Variants in NFXL1 observed in about 807,000 individuals in gnomAD.
NFXL1 encodes the protein nuclear transcription factor, X-box binding like 1.
A neutral mutation model predicts 123.3 loss-of-function variants in NFXL1; 66 were observed. The observed-to-expected ratio is 0.54, with a 90% CI of 0.44 to 0.66. NFXL1 has a LOEUF of 0.66. Among genes scored for constraint, NFXL1 ranks in the 30% least tolerant of loss-of-function variants. NFXL1 has a pLI of 0.00. For synonymous variants in NFXL1, 346 were observed against 360.8 expected, an observed-to-expected ratio of 0.96 and a Z score of 0.46; for missense variants, 944 against 1,125.6, an observed-to-expected ratio of 0.84 and a Z score of 2.31.
At chr4:47,886,321 T>A (rs1041613353) in intron 12 of NFXL1, among the ~76,000 whole-genome samples, 2 of 152,214 alleles carry the variant, frequency 1.3e-5, no homozygotes, top group Non-Finnish European at 2.9e-5. Flanking sequence ...CCTGGCTATG[T>A]TCAGTTTGTA....
At chr4:47,892,763 T>A (rs1736852687) in intron 11 of NFXL1, among the ~76,000 whole-genome samples, 1 of 151,828 alleles carries the variant, frequency 6.6e-6, no homozygotes, top group African/African-American at 2.4e-5. Context: ...TTTAAAGAAA[T>A]ACAAATAAAC....
intron 12 of NFXL1, among the ~76,000 whole-genome samples, chr4:47,887,362 G>A (rs955230836): frequency 6.6e-6 from 1 of 152,152 alleles, no homozygotes; most frequent in African/African-American, 2.4e-5. Context: ...TGGCTTAAGT[G>A]CCTCTAGAAG....
intron 10 of NFXL1, 58 bp from the exon 11 acceptor site, chr4:47,894,360 A>T: frequency 7.8e-7 from 1 of 1,288,098 alleles, no homozygotes; most frequent in South Asian, 1.6e-5. Flanking sequence ...TTTTCCTCAC[A>T]TTGCAACTTC....
chr4:47,894,177 A>C lies in NFXL1; in HGVS notation c.1452+3T>G, dbSNP rs368101166. The stretch of plus-strand genomic sequence containing the variant: ...CAGAGGTTTCCAAGGTTAATACACA[A>C]ACCTTTCTTCTACATTGATGCTTCT... On this transcript the variant is annotated splice_donor_region_variant and intron_variant, in intron 11 of 22. Transcript: ENST00000507489. The C allele has an allele frequency of 1.2e-4, 190 of 1,593,748 alleles. No individual in the cohort carries two copies. In the African/African-American group the frequency reaches 2.2e-3, roughly 19 times the overall value.
At chr4:47,904,413 C>T (rs1399421137) in intron 4 of NFXL1, among the ~76,000 whole-genome samples, 1 of 152,184 alleles carries the variant, frequency 6.6e-6, no homozygotes, top group Non-Finnish European at 1.5e-5. Context: ...CGCACACACA[C>T]AGCAAATGTT....
chr4:47,848,612 G>A (rs887819671), intron 22 of NFXL1, among the ~76,000 whole-genome samples: 8 of 152,126 alleles, frequency 5.3e-5, no homozygotes, highest in Non-Finnish European at 8.8e-5. Flanking sequence ...TGATTAGGCC[G>A]GGCACGGTGG....
At chr4:47,892,083 G>C (rs1347465605) in intron 11 of NFXL1, among the ~76,000 whole-genome samples, 2 of 152,166 alleles carry the variant, frequency 1.3e-5, no homozygotes, top group Non-Finnish European at 2.9e-5. Context: ...TCTGTTTTGA[G>C]TTATGATGGA....
intron 15 of NFXL1, among the ~76,000 whole-genome samples, chr4:47,879,653 A>C (rs532584573): frequency 1.4e-4 from 22 of 152,312 alleles, no homozygotes; most frequent in African/African-American, 4.8e-4. Context: ...AAAGACTGAC[A>C]CCACCCAACT....
rs1734142494 is a variant in NFXL1 at position 47,851,953 on chromosome 4, C to G, written c.2422-11G>C. 6.3e-7 allele frequency: 1 copy of G among 1,589,404 alleles called. No homozygotes were observed. Among genetic ancestry groups the G allele is most frequent in the Non-Finnish European group, 8.6e-7 (1 of 1,160,170 alleles). ...GTTGCACTGCAATTCCTACAAACAA[C>G]CCGATTTTCAAATTTTAAATGATTT... On this transcript the variant is annotated splice_polypyrimidine_tract_variant and intron_variant, in intron 20 of 22. Transcript: ENST00000507489.
intron 3 of NFXL1, among the ~76,000 whole-genome samples, chr4:47,906,287 CA>C (rs896244070): frequency 1.4e-4 from 22 of 152,112 alleles, no homozygotes; most frequent in Middle Eastern, 3.4e-3. Context: ...ACTGAGTCTT[CA>C]AAAAAAGTAG....
chr4:47,912,460 TC>T (rs1400374187), intron 2 of NFXL1, among the ~76,000 whole-genome samples: 9 of 100,614 alleles, frequency 8.9e-5, no homozygotes, highest in Non-Finnish European at 1.5e-4. Flanking sequence ...TTCTTTTCTT[TC>T]TTTTTTTTTT....
chr4:47,876,998 G>C (rs866492440), intron 17 of NFXL1: 2 of 1,131,594 alleles, frequency 1.8e-6, no homozygotes, highest in Middle Eastern at 4.7e-4. Context: ...TATGCAAAAA[G>C]AACCAAAGTT....
At chr4:47,896,499 TA>T in intron 10 of NFXL1, 23 bp downstream of exon 10, 2 of 1,596,360 alleles carry the variant, frequency 1.3e-6, no homozygotes, top group South Asian at 2.2e-5. Context: ...CTCTTAAAAG[TA>T]ATTATTACAG....
intron 17 of NFXL1, among the ~76,000 whole-genome samples, chr4:47,876,078 T>A (rs529481293): frequency 6.6e-6 from 1 of 152,260 alleles, no homozygotes; most frequent in South Asian, 2.1e-4. Context: ...GAAGCCATGA[T>A]TACAACAGTT....
intron 19 of NFXL1, among the ~76,000 whole-genome samples, chr4:47,858,364 A>T (rs1340421783): frequency 6.6e-6 from 1 of 152,224 alleles, no homozygotes; most frequent in Non-Finnish European, 1.5e-5. Context: ...TTAAAGTTGA[A>T]ATTAAACATT....
intron 20 of NFXL1, among the ~76,000 whole-genome samples, chr4:47,852,601 C>T (rs1277721758): frequency 6.6e-6 from 1 of 151,950 alleles, no homozygotes; most frequent in Non-Finnish European, 1.5e-5. Context: ...TATGTTGGCA[C>T]TTCACTACCT....
intron 19 of NFXL1, among the ~76,000 whole-genome samples, chr4:47,856,241 A>AT (rs1734404274): frequency 6.6e-6 from 1 of 152,148 alleles, no homozygotes; most frequent in Non-Finnish European, 1.5e-5. Flanking sequence ...TTTCACATGT[A>AT]AAAGAGTATT....
intron 4 of NFXL1, among the ~76,000 whole-genome samples, chr4:47,904,256 C>T (rs1263520174): frequency 6.6e-6 from 1 of 152,162 alleles, no homozygotes; most frequent in Non-Finnish European, 1.5e-5. Flanking sequence ...GCCCCACTCG[C>T]TAATGGAAAG....
At chr4:47,848,553 G>C (rs1415190301) in intron 22 of NFXL1, among the ~76,000 whole-genome samples, 1 of 152,152 alleles carries the variant, frequency 6.6e-6, no homozygotes, top group Non-Finnish European at 1.5e-5. Context: ...TAACAGAAGA[G>C]AATATTTCAA....
Sources: gnomAD v4.1 joint callset for allele counts (sites outside exome capture counted in the v4.1 genomes callset) on GRCh38, gnomAD v4.1.1 for gene constraint, MANE v1.5 for transcripts, NCBI Gene and HGNC (gene_info 2026-07-23, HGNC 2026-07-21) for gene names.